The following RFX3 variants were observed in gnomAD, a reference collection of about 807,000 sequenced individuals.
RFX3 encodes regulatory factor X3, also known as transcription factor RFX3.
A neutral mutation model predicts 98.6 loss-of-function variants in RFX3; 14 were observed. The observed-to-expected ratio is 0.14, with a 90% CI of 0.09 to 0.22. The LOEUF (loss-of-function observed/expected upper bound fraction) is 0.22, where lower values mean the gene tolerates loss of function less well. RFX3 is among the 10% of genes least tolerant of loss of function. The probability of loss-of-function intolerance (pLI) is 1.00; values close to 1 mark genes in which losing one functional copy is unlikely to be tolerated. For synonymous variants in RFX3, 383 were observed against 328.4 expected (o/e 1.17, Z -1.80); for missense variants, 639 against 926.9 (o/e 0.69, Z 4.03).
At chr9:3,236,137 A>T (rs1819125945) in intron 15 of RFX3, among the ~76,000 whole-genome samples, 2 of 152,174 alleles carry the variant, frequency 1.3e-5, no homozygotes, top group Admixed American at 1.3e-4. Context: ...GGAATCAATT[A>T]ATCTTTTATG....
At chr9:3,424,103 CG>C (rs1843724860) in intron 1 of RFX3, among the ~76,000 whole-genome samples, 1 of 149,840 alleles carries the variant, frequency 6.7e-6, no homozygotes, top group Non-Finnish European at 1.5e-5. Context: ...GCTGAGATCG[CG>C]CCACTACACT....
intron 1 of RFX3, among the ~76,000 whole-genome samples, chr9:3,504,376 A>C (rs1411758629): frequency 7.5e-6 from 1 of 133,954 alleles, no homozygotes; most frequent in Non-Finnish European, 1.5e-5. Flanking sequence ...AATATATATT[A>C]TATACCACAT....
chr9:3,295,365 A>G (rs1827865177), intron 5 of RFX3, among the ~76,000 whole-genome samples: 1 of 152,066 alleles, frequency 6.6e-6, no homozygotes, highest in Admixed American at 6.6e-5. Flanking sequence ...TGGCAGCCCT[A>G]GTGAGCTGTA....
chr9:3,303,291 G>C (rs866552213), intron 4 of RFX3, among the ~76,000 whole-genome samples: 1 of 151,544 alleles, frequency 6.6e-6, no homozygotes, highest in African/African-American at 2.4e-5. Flanking sequence ...AAAGGACTTT[G>C]GTATAACATC....
chr9:3,326,181 T>C (rs1831894319), intron 4 of RFX3, among the ~76,000 whole-genome samples: 1 of 152,096 alleles, frequency 6.6e-6, no homozygotes, highest in South Asian at 2.1e-4. Flanking sequence ...TATATACATA[T>C]ATATAATTAT....
At chr9:3,252,329 A>T (rs1357552854) in intron 14 of RFX3, among the ~76,000 whole-genome samples, 1 of 152,208 alleles carries the variant, frequency 6.6e-6, no homozygotes, top group Non-Finnish European at 1.5e-5. Flanking sequence ...TAGGTGAGAC[A>T]GTTGGTAAAT....
chr9:3,254,237 G>C (rs551779956), intron 14 of RFX3, among the ~76,000 whole-genome samples: 4 of 151,300 alleles, frequency 2.6e-5, no homozygotes, highest in Non-Finnish European at 4.4e-5. Flanking sequence ...GAAGGCTCCA[G>C]GGATGTATTT....
At chr9:3,306,589 G>C (rs1225225063) in intron 4 of RFX3, among the ~76,000 whole-genome samples, 1 of 139,960 alleles carries the variant, frequency 7.1e-6, no homozygotes. Context: ...ATCACACACC[G>C]GGGACTGTTG....
chr9:3,422,933 TA>T (rs1239697427), intron 1 of RFX3, among the ~76,000 whole-genome samples: 2 of 152,242 alleles, frequency 1.3e-5, no homozygotes, highest in East Asian at 3.9e-4. Flanking sequence ...AAAACCTCTA[TA>T]AAAATAGTAC....
chr9:3,521,755 C>T (rs1035961814), intron 1 of RFX3, among the ~76,000 whole-genome samples: 2 of 152,060 alleles, frequency 1.3e-5, no homozygotes, highest in Non-Finnish European at 2.9e-5. Flanking sequence ...ACACCTATTT[C>T]CAACATATAA....
intron 10 of RFX3, chr9:3,270,797 C>T: frequency 1.4e-6 from 1 of 704,416 alleles, no homozygotes; most frequent in Non-Finnish European, 2.3e-6. Flanking sequence ...TACCACAGTC[C>T]CCCAAATCAG....
intron 1 of RFX3, among the ~76,000 whole-genome samples, chr9:3,516,877 G>A (rs1056594262): frequency 4.6e-5 from 7 of 152,152 alleles, no homozygotes; most frequent in African/African-American, 7.2e-5. Flanking sequence ...AGCTGGCTCC[G>A]GCAGGAGCTC....
rs1025862515 is a variant in RFX3 at position 3,222,888 on chromosome 9, T to C, written c.*2154A>G. 3 of 152,156 alleles carry C rather than the reference T, an allele frequency of 2.0e-5. No individual in the cohort carries two copies. The highest frequency in any genetic ancestry group is 4.4e-5 in the Non-Finnish European group (3 of 68,038). The allele number at this position is 152,156 out of a possible 1,614,324, so 9.4% of individuals were successfully genotyped here. On this transcript the variant is annotated 3_prime_UTR_variant, in exon 17 of 17. Transcript: ENST00000617270. ...ATGAGTGAGTTGTATAATAAAAAATTTGGATCAGTTTTTAAAATTACATCT... is the reference window on the plus strand; with the variant it reads ...ATGAGTGAGTTGTATAATAAAAAATCTGGATCAGTTTTTAAAATTACATCT...
At chr9:3,423,778 CATATATATATATATATATATATATAT>C (rs61209874) in intron 1 of RFX3, among the ~76,000 whole-genome samples, 2 of 111,056 alleles carry the variant, frequency 1.8e-5, no homozygotes, top group Non-Finnish European at 3.6e-5. Flanking sequence ...TATATATTTT[CATATATATATATATATATATATATAT>C]ATATATATCT....
intron 1 of RFX3, among the ~76,000 whole-genome samples, chr9:3,499,188 T>G (rs1303216516): frequency 6.6e-6 from 1 of 152,084 alleles, no homozygotes; most frequent in East Asian, 1.9e-4. Context: ...TACAGTCTCC[T>G]AAAAGGTCAT....
intron 15 of RFX3, among the ~76,000 whole-genome samples, chr9:3,235,809 T>C (rs1281984594): frequency 1.3e-5 from 2 of 152,150 alleles, no homozygotes; most frequent in South Asian, 4.1e-4. Context: ...TGTAACTACA[T>C]TGGGCACACC....
intron 12 of RFX3, among the ~76,000 whole-genome samples, chr9:3,264,883 T>A (rs1823410234): frequency 6.6e-6 from 1 of 152,194 alleles, no homozygotes; most frequent in South Asian, 2.1e-4. Flanking sequence ...TGCAATTGGA[T>A]TGTTACCACA....
chr9:3,262,789 G>A lies in RFX3; in HGVS notation c.1605+146C>T, dbSNP rs879185228. On this transcript the variant is annotated intron_variant, in intron 13 of 16. Transcript: ENST00000617270. ...ATGGGAGCACTACAGCTGTATCTGGGTCAAACTCCTCTCTTTCAGAACACT... is the reference window on the plus strand; with the variant it reads ...ATGGGAGCACTACAGCTGTATCTGGATCAAACTCCTCTCTTTCAGAACACT... The A allele has an allele frequency of 5.1e-5, 42 of 818,542 alleles. No individual in the cohort carries two copies. In the South Asian group the frequency reaches 7.8e-4, roughly 15 times the overall value. The allele number at this position is 818,542 out of a possible 1,614,324, so 50.7% of individuals were successfully genotyped here.
intron 1 of RFX3, among the ~76,000 whole-genome samples, chr9:3,524,175 A>T (rs1818989847): frequency 6.6e-6 from 1 of 152,236 alleles, no homozygotes; most frequent in African/African-American, 2.4e-5. Flanking sequence ...GTTTTAGCAC[A>T]CATTCATTAT....
Sources: allele counts gnomAD v4.1 joint callset (sites outside exome capture counted in the v4.1 genomes callset), GRCh38; gene constraint gnomAD v4.1.1; transcripts MANE v1.5; gene names NCBI Gene and HGNC (gene_info 2026-07-23, HGNC 2026-07-21).